Variants in SYT16 observed in about 807,000 individuals in gnomAD.
SYT16 encodes the protein synaptotagmin 16, also known as synaptotagmin-16.
Under a neutral mutation model 61.4 loss-of-function variants are expected in SYT16, and 42 were observed. That is an observed-to-expected ratio of 0.68 (90% CI 0.53 to 0.89). SYT16 has a LOEUF of 0.89. Among genes scored for constraint, SYT16 ranks in the 40% least tolerant of loss-of-function variants. SYT16 has a pLI of 0.00. For missense variants in SYT16, 804 were observed against 807.3 expected (o/e 1.00, Z 0.05); for synonymous variants, 314 against 302.3 (o/e 1.04, Z -0.40).
chr14:62,005,908 T>C (rs906973141), intron 3 of SYT16, among the ~76,000 whole-genome samples: 2 of 152,078 alleles, frequency 1.3e-5, no homozygotes, highest in African/African-American at 4.8e-5. Flanking sequence ...GCAGTGGGAA[T>C]TGGGAATGCA....
At chr14:62,054,819 T>C (rs1330152314) in intron 3 of SYT16, among the ~76,000 whole-genome samples, 3 of 152,220 alleles carry the variant, frequency 2.0e-5, no homozygotes, top group African/African-American at 7.2e-5. Flanking sequence ...AGAATAACTT[T>C]AGAAATTGCC....
intron 3 of SYT16, among the ~76,000 whole-genome samples, chr14:62,045,114 G>A (rs1398554774): frequency 3.3e-5 from 5 of 152,056 alleles, no homozygotes; most frequent in Middle Eastern, 3.4e-3. Flanking sequence ...CTCCAGCCTG[G>A]GTGACAGAGT....
intron 3 of SYT16, among the ~76,000 whole-genome samples, chr14:62,055,069 G>T (rs184373702): frequency 1.2e-3 from 179 of 152,322 alleles, no homozygotes; most frequent in Admixed American, 6.5e-3. Context: ...ATTCATTGGA[G>T]TGATAGAGAA....
intron 2 of SYT16, among the ~76,000 whole-genome samples, chr14:61,973,528 A>G (rs2051653688): frequency 6.6e-6 from 1 of 152,200 alleles, no homozygotes. Context: ...AAAAGCCAAT[A>G]TTCAGCTTTG....
intron 2 of SYT16, among the ~76,000 whole-genome samples, chr14:61,974,077 A>G (rs968209909): frequency 4.6e-5 from 7 of 152,128 alleles, no homozygotes; most frequent in Non-Finnish European, 8.8e-5. Context: ...GGTGGGGCAA[A>G]TATACTGGTG....
intron 7 of SYT16, among the ~76,000 whole-genome samples, chr14:62,096,992 C>A (rs1001514359): frequency 6.6e-6 from 1 of 152,064 alleles, no homozygotes; most frequent in African/African-American, 2.4e-5. Context: ...CCCAGAGATT[C>A]ATAGTTCCTC....
Position 62,069,588 on chromosome 14 carries a change from C to G in SYT16, c.524-15C>G. On this transcript the variant is annotated splice_polypyrimidine_tract_variant and intron_variant, in intron 3 of 7. Transcript: ENST00000683842. ...TAGGCCACACAGGAGACTCATGGCTCTTGTTTACTCCCAGTCAACAGCTTT... is the reference window on the plus strand; with the variant it reads ...TAGGCCACACAGGAGACTCATGGCTGTTGTTTACTCCCAGTCAACAGCTTT... The G allele has an allele frequency of 6.2e-7, 1 of 1,613,062 alleles. No homozygotes were observed. The highest frequency in any genetic ancestry group is 8.5e-7 in the Non-Finnish European group (1 of 1,179,148).
At chr14:62,004,503 G>T (rs1366049780) in intron 3 of SYT16, among the ~76,000 whole-genome samples, 14 of 152,036 alleles carry the variant, frequency 9.2e-5, no homozygotes, top group Non-Finnish European at 1.5e-5. Flanking sequence ...CTTAATCAAG[G>T]GTAGCACCCA....
chr14:61,976,563 A>T (rs2051812703), intron 2 of SYT16, among the ~76,000 whole-genome samples: 1 of 152,150 alleles, frequency 6.6e-6, no homozygotes. Context: ...GGCCCAACAC[A>T]TGTAAGCTAC....
At chr14:61,938,093 A>T (rs1247221616) in intron 1 of SYT16, among the ~76,000 whole-genome samples, 1 of 150,942 alleles carries the variant, frequency 6.6e-6, no homozygotes, top group Non-Finnish European at 1.5e-5. Context: ...GAGGGATGAG[A>T]CCACATATCT....
chr14:61,947,660 A>G (rs1003887357), intron 1 of SYT16, among the ~76,000 whole-genome samples: 1 of 152,206 alleles, frequency 6.6e-6, no homozygotes, highest in Admixed American at 6.5e-5. Context: ...ACATGGATCT[A>G]TTAGGATTAA....
chr14:61,941,611 G>C (rs2050213560), intron 1 of SYT16, among the ~76,000 whole-genome samples: 1 of 152,060 alleles, frequency 6.6e-6, no homozygotes, highest in African/African-American at 2.4e-5. Flanking sequence ...CCTTGCCCCA[G>C]CCTGCGGCAT....
intron 3 of SYT16, among the ~76,000 whole-genome samples, chr14:62,038,963 G>T (rs1000164555): frequency 1.3e-5 from 2 of 152,160 alleles, no homozygotes; most frequent in East Asian, 3.9e-4. Context: ...CAACAACTTT[G>T]TAAGGCAAGG....
At chr14:62,027,013 C>T (rs548458147) in intron 3 of SYT16, among the ~76,000 whole-genome samples, 9 of 152,082 alleles carry the variant, frequency 5.9e-5, no homozygotes, top group South Asian at 2.1e-4. Flanking sequence ...TGTGTGTCTC[C>T]GCAAAATTGT....
intron 3 of SYT16, among the ~76,000 whole-genome samples, chr14:62,035,289 A>G (rs965409054): frequency 6.6e-6 from 1 of 152,184 alleles, no homozygotes; most frequent in Non-Finnish European, 1.5e-5. Context: ...GTTGTTTAGT[A>G]TCTTATTTTT....
intron 1 of SYT16, among the ~76,000 whole-genome samples, chr14:61,895,950 C>T (rs1419494148): frequency 4.6e-5 from 7 of 152,140 alleles, no homozygotes; most frequent in African/African-American, 1.2e-4. Flanking sequence ...CCTGGCAGTG[C>T]GCGTGGGGAC....
At chr14:61,941,411 G>T (rs1250230497) in intron 1 of SYT16, among the ~76,000 whole-genome samples, 2 of 152,198 alleles carry the variant, frequency 1.3e-5, no homozygotes, top group Non-Finnish European at 1.5e-5. Flanking sequence ...CCTTGGGGAA[G>T]GGTGACAGTT....
At chr14:61,980,608 G>A (rs1331464258) in intron 2 of SYT16, among the ~76,000 whole-genome samples, 7 of 152,256 alleles carry the variant, frequency 4.6e-5, no homozygotes, top group African/African-American at 7.2e-5. Flanking sequence ...AACATTATTC[G>A]TTGTGAAGCT....
At chr14:61,994,151 G>T (rs545262562) in intron 2 of SYT16, among the ~76,000 whole-genome samples, 1 of 152,120 alleles carries the variant, frequency 6.6e-6, no homozygotes, top group Non-Finnish European at 1.5e-5. Flanking sequence ...AAAAGCTAAC[G>T]GAGTTTGGAA....
Sources: allele counts gnomAD v4.1 joint callset (sites outside exome capture counted in the v4.1 genomes callset), GRCh38; gene constraint gnomAD v4.1.1; transcripts MANE v1.5; gene names NCBI Gene and HGNC (gene_info 2026-07-23, HGNC 2026-07-21).